Variants in HIVEP2 observed in about 807,000 individuals in gnomAD.
HIVEP2 encodes the protein HIVEP zinc finger 2, also known as transcription factor HIVEP2.
In HIVEP2, 14 loss-of-function variants were observed where a neutral mutation model predicts 180.7. That is an observed-to-expected ratio of 0.08 (90% CI 0.05 to 0.12). HIVEP2 has a LOEUF of 0.12. Among genes scored for constraint, HIVEP2 ranks in the 10% least tolerant of loss-of-function variants. The probability of loss-of-function intolerance (pLI) is 1.00; values close to 1 mark genes in which losing one functional copy is unlikely to be tolerated. For synonymous variants in HIVEP2, 1,184 were observed against 1,136.4 expected, an observed-to-expected ratio of 1.04 and a Z score of -0.84; for missense variants, 2,579 against 3,008.5, an observed-to-expected ratio of 0.86 and a Z score of 3.34.
intron 1 of HIVEP2, among the ~76,000 whole-genome samples, chr6:142,900,099 T>A (rs1041600913): frequency 3.9e-5 from 6 of 152,216 alleles, no homozygotes; most frequent in Non-Finnish European, 7.3e-5. Flanking sequence ...ATTCTCAGGA[T>A]AGAGCAGAAT....
At chr6:142,852,335 T>C (rs1008501564) in intron 1 of HIVEP2, among the ~76,000 whole-genome samples, 2 of 152,212 alleles carry the variant, frequency 1.3e-5, no homozygotes, top group African/African-American at 4.8e-5. Context: ...AACTCTTTTT[T>C]TCTCTCATTT....
At position 142,773,653 on chromosome 6, in the gene HIVEP2, C is replaced by T. The variant is rs769543164; in HGVS notation, c.1086G>A (p.Ser362=). 72 of 1,613,996 alleles carry T rather than the reference C, an allele frequency of 4.5e-5. No individual in the cohort carries two copies. Among genetic ancestry groups the T allele is most frequent in the East Asian group, 1.8e-4 (8 of 44,868 alleles). ...NPSLNTKADD[S]HTVKQKLALR... is the part of the protein sequence containing the mutation. ...GTGCAAGTTTCTGTTTGACTGTGTG[C>T]GAATCATCAGCCTTAGTATTTAAAG... Residue 362 remains serine (S), a synonymous_variant, in exon 5 of 10, where the codon TCG becomes TCA. Transcript: ENST00000367603.
chr6:142,777,653 A>G lies in HIVEP2; in HGVS notation c.-432-1462T>C, dbSNP rs1483617078. Reference sequence around the variant, plus strand: ...ACAAGAGCAAAACTCCATCTCAAAAAAAAAAAAAAAAAAAAAAAAAAAAAA... The same window carrying G: ...ACAAGAGCAAAACTCCATCTCAAAAGAAAAAAAAAAAAAAAAAAAAAAAAA... On this transcript the variant is annotated intron_variant, in intron 3 of 9. Transcript: ENST00000367603. Among the ~76,000 whole-genome samples, 18 of 22,416 alleles carry G rather than the reference A, an allele frequency of 8.0e-4. No individual in the cohort carries two copies. In the South Asian group the frequency reaches 0.011, roughly 14 times the overall value. 14.7% of individuals were successfully genotyped at this position (22,416 alleles called of 152,430 possible).
At chr6:142,923,711 T>C (rs558295129) in intron 1 of HIVEP2, among the ~76,000 whole-genome samples, 1 of 152,272 alleles carries the variant, frequency 6.6e-6, no homozygotes, top group African/African-American at 2.4e-5. Context: ...CTTCTGAGCT[T>C]GGAGCCCTGT....
intron 1 of HIVEP2, among the ~76,000 whole-genome samples, chr6:142,854,148 C>T (rs1775759511): frequency 1.3e-5 from 2 of 152,154 alleles, no homozygotes; most frequent in Admixed American, 1.3e-4. Context: ...TTATTGTTAG[C>T]CTGTGGTAGT....
In HIVEP2 at chr6:142,917,441, C is replaced by T. The variant is rs1017205005; in HGVS notation, c.-641+27658G>A. On this transcript the variant is annotated intron_variant, in intron 1 of 9. Coordinates refer to ENST00000367603, the MANE Select transcript of HIVEP2 (RefSeq NM_006734.4). ...AATGACATCCACGTGACACTACATG[C>T]GCTGCAAGTGGCAACAATTCTGAGT... 9.8e-5 allele frequency among the ~76,000 whole-genome samples: 15 copies of T among 152,300 alleles called. No individual in the cohort carries two copies. The East Asian group carries it at 1.9e-3, about 20-fold the overall frequency.
At position 142,790,684 on chromosome 6, in the gene HIVEP2, G is replaced by A. The variant is rs147667304; in HGVS notation, c.-527-7069C>T. On this transcript the variant is annotated intron_variant, in intron 2 of 9. Coordinates refer to ENST00000367603, the MANE Select transcript of HIVEP2 (RefSeq NM_006734.4). ...GCCAAGACTAGCATAAAGAAAGGCC[G>A]CAGTTAACTTTGAATTAAGTAAACA... is the stretch of plus-strand genomic sequence containing the variant. Among the ~76,000 whole-genome samples, 14 of 152,248 alleles carry A rather than the reference G, an allele frequency of 9.2e-5. No individual in the cohort carries two copies. The East Asian group carries it at 1.2e-3, about 13-fold the overall frequency.
At chr6:142,801,210 A>AC (rs1776399516) in intron 2 of HIVEP2, among the ~76,000 whole-genome samples, 2 of 151,278 alleles carry the variant, frequency 1.3e-5, no homozygotes, top group African/African-American at 4.9e-5. Flanking sequence ...AAAAAAAAAA[A>AC]ACGAGGGAAT....
chr6:142,928,459 T>C (rs1413604203), intron 1 of HIVEP2, among the ~76,000 whole-genome samples: 2 of 152,202 alleles, frequency 1.3e-5, no homozygotes, highest in Admixed American at 6.5e-5. Flanking sequence ...AATTTTTTTA[T>C]ATGGTAAAGG....
At chr6:142,814,467 A>G (rs60694871) in intron 2 of HIVEP2, among the ~76,000 whole-genome samples, 14,843 of 152,030 alleles carry the variant, frequency 0.098, 2,371 homozygotes, top group African/African-American at 0.34. Context: ...GTTCAGGGAG[A>G]TATGATGAAG....
At chr6:142,816,538 C>G (rs953167682) in intron 2 of HIVEP2, among the ~76,000 whole-genome samples, 8 of 152,168 alleles carry the variant, frequency 5.3e-5, no homozygotes, top group Non-Finnish European at 1.2e-4. Context: ...TTTCCTAGCA[C>G]TCTGCACAAC....
At chr6:142,881,541 T>C (rs571942572) in intron 1 of HIVEP2, among the ~76,000 whole-genome samples, 88 of 152,270 alleles carry the variant, frequency 5.8e-4, no homozygotes, top group African/African-American at 1.9e-3. Flanking sequence ...CTAACTTTAG[T>C]GAAGTTAGAA....
rs777863329 is a variant in HIVEP2, at chr6:142,772,381, C to T, written c.2358G>A (p.Met786Ile). The T allele has an allele frequency of 2.5e-6, 4 of 1,614,106 alleles. No individual in the cohort carries two copies. The highest frequency in any genetic ancestry group is 2.7e-5 in the African/African-American group (2 of 74,934). The change falls in exon 5 of 10, where the codon ATG becomes ATA. Residue 786 changes from methionine to isoleucine, a missense_variant. Physicochemically the swap from Met to Ile is conservative, Grantham distance 10. Coordinates refer to ENST00000367603, the MANE Select transcript of HIVEP2 (RefSeq NM_006734.4). This position sits in a 1 kb window ranked among gnomAD's most constrained non-coding sequence, Gnocchi z 4.9. ...GAGGTTTCCTGCCCCCTAGGTCTGA[C>T]ATCTTGTCTGAATCAATGGCTGAAG... ...ESPSAIDSDK[M>I]SDLGGRKPPG...
At chr6:142,768,627 G>A (rs1331675833) in intron 5 of HIVEP2, 91 bp from the exon 6 acceptor site, 1 of 1,338,690 alleles carries the variant, frequency 7.5e-7, no homozygotes, top group Admixed American at 2.2e-5. Context: ...CTGAAAATGA[G>A]CCTAAATTCT....
chr6:142,904,233 GT>G (rs1777205929), intron 1 of HIVEP2, among the ~76,000 whole-genome samples: 1 of 152,098 alleles, frequency 6.6e-6, no homozygotes, highest in Non-Finnish European at 1.5e-5. Flanking sequence ...TTCTACTTTT[GT>G]TCCCCACTTG....
chr6:142,850,468 C>T (rs1775618934), intron 1 of HIVEP2, among the ~76,000 whole-genome samples: 1 of 152,088 alleles, frequency 6.6e-6, no homozygotes, highest in South Asian at 2.1e-4. Flanking sequence ...GAAAATGAAA[C>T]TACTAAAAGA....
chr6:142,911,139 T>TAA (rs5880554), intron 1 of HIVEP2, among the ~76,000 whole-genome samples: 6,298 of 106,098 alleles, frequency 0.059, 442 homozygotes, highest in East Asian at 0.24. Context: ...ACAAACACAT[T>TAA]AAAAAAAAAA....
intron 1 of HIVEP2, among the ~76,000 whole-genome samples, chr6:142,854,877 C>T (rs367848951): frequency 6.6e-6 from 1 of 152,176 alleles, no homozygotes. Flanking sequence ...TCCTACTGGG[C>T]CGGATGTAGG....
chr6:142,837,544 GT>G (rs1775256192), intron 1 of HIVEP2, among the ~76,000 whole-genome samples: 2 of 152,034 alleles, frequency 1.3e-5, no homozygotes, highest in African/African-American at 4.8e-5. Flanking sequence ...TGGTCAAGAA[GT>G]CTTGGAGATA....
Sources: gnomAD v4.1 joint callset for allele counts (sites outside exome capture counted in the v4.1 genomes callset) on GRCh38, gnomAD v4.1.1 for gene constraint, Gnocchi (gnomAD v3.1) non-coding constraint, MANE v1.5 for transcripts, NCBI Gene and HGNC (gene_info 2026-07-23, HGNC 2026-07-21) for gene names.